PIP4K2A: variants seen among roughly 807,000 people sequenced by gnomAD.
PIP4K2A encodes the protein phosphatidylinositol-5-phosphate 4-kinase type 2 alpha, also known as phosphatidylinositol 5-phosphate 4-kinase type-2 alpha.
Under a neutral mutation model 42.9 loss-of-function variants are expected in PIP4K2A, and 14 were observed. The ratio of observed to expected loss-of-function variants is 0.33; its 90% CI spans 0.22 to 0.51. The LOEUF (loss-of-function observed/expected upper bound fraction) is 0.51. Among genes scored for constraint, PIP4K2A ranks in the 20% least tolerant of loss-of-function variants. The probability of loss-of-function intolerance (pLI) is 0.97; values close to 1 mark genes in which losing one functional copy is unlikely to be tolerated. For missense variants in PIP4K2A, 434 were observed against 519.8 expected (o/e 0.83, Z 1.61); for synonymous variants, 192 against 192.2 (o/e 1.00, Z 0.01).
intron 1 of PIP4K2A, among the ~76,000 whole-genome samples, chr10:22,619,726 C>T (rs1364515925): frequency 2.0e-5 from 3 of 152,192 alleles, no homozygotes; most frequent in African/African-American, 4.8e-5. Context: ...CATGAGCCAA[C>T]ACGCCCAGCT....
chr10:22,686,447 G>A (rs1405049105), intron 1 of PIP4K2A, among the ~76,000 whole-genome samples: 1 of 152,130 alleles, frequency 6.6e-6, no homozygotes, highest in Non-Finnish European at 1.5e-5. Flanking sequence ...AATAATTGAA[G>A]AAAGCAAGCT....
chr10:22,579,563 T>C (rs1837209852), intron 4 of PIP4K2A, among the ~76,000 whole-genome samples: 1 of 152,096 alleles, frequency 6.6e-6, no homozygotes, highest in Admixed American at 6.5e-5. Flanking sequence ...TAACACTGCT[T>C]AGACATGATG....
intron 1 of PIP4K2A, among the ~76,000 whole-genome samples, chr10:22,687,892 T>C (rs962924671): frequency 6.6e-6 from 1 of 152,236 alleles, no homozygotes; most frequent in Admixed American, 6.5e-5. Context: ...AACATGCAGA[T>C]ACAAAGGGCC....
At chr10:22,543,252 G>A (rs538037812) in intron 7 of PIP4K2A, among the ~76,000 whole-genome samples, 2 of 152,272 alleles carry the variant, frequency 1.3e-5, no homozygotes, top group South Asian at 4.1e-4. Flanking sequence ...CTCTCCAGCT[G>A]GTTCCTGGTG....
At chr10:22,556,498 T>C (rs1206902178) in intron 6 of PIP4K2A, among the ~76,000 whole-genome samples, 1 of 152,200 alleles carries the variant, frequency 6.6e-6, no homozygotes, top group African/African-American at 2.4e-5. Flanking sequence ...ATGATCTTTA[T>C]TCAATATATG....
chr10:22,567,717 G>T (rs989824523), intron 6 of PIP4K2A, 134 bp downstream of exon 6: 2 of 808,090 alleles, frequency 2.5e-6, no homozygotes, highest in Admixed American at 3.4e-5. Context: ...AGTGTTTCTC[G>T]CTGGTGGCAG....
chr10:22,686,766 A>G (rs1361202883), intron 1 of PIP4K2A, among the ~76,000 whole-genome samples: 1 of 152,212 alleles, frequency 6.6e-6, no homozygotes, highest in African/African-American at 2.4e-5. Flanking sequence ...CACCGTGCCC[A>G]GCCTCTATTT....
chr10:22,556,920 CTG>C (rs1451197826), intron 6 of PIP4K2A, among the ~76,000 whole-genome samples: 9 of 152,294 alleles, frequency 5.9e-5, no homozygotes, highest in South Asian at 4.1e-4. Flanking sequence ...AAGAAACACA[CTG>C]TGTGACAATA....
intron 6 of PIP4K2A, among the ~76,000 whole-genome samples, chr10:22,565,257 C>T (rs981936242): frequency 1.3e-5 from 2 of 152,224 alleles, no homozygotes; most frequent in African/African-American, 4.8e-5. Flanking sequence ...CTCATGCCTA[C>T]TGGATATCTC....
intron 7 of PIP4K2A, among the ~76,000 whole-genome samples, chr10:22,548,880 C>T (rs1301422359): frequency 1.1e-5 from 1 of 88,526 alleles, no homozygotes; most frequent in Non-Finnish European, 2.1e-5. Context: ...ACCCTAGTCT[C>T]TACAAAAAAA....
chr10:22,574,638 T>C (rs567332506), intron 4 of PIP4K2A, among the ~76,000 whole-genome samples: 1 of 152,204 alleles, frequency 6.6e-6, no homozygotes, highest in African/African-American at 2.4e-5. Flanking sequence ...TTTTGCCATC[T>C]AGAGTTTTGG....
chr10:22,573,152 C>A (rs1457434221), intron 5 of PIP4K2A, among the ~76,000 whole-genome samples, 159 bp downstream of exon 5: 1 of 152,194 alleles, frequency 6.6e-6, no homozygotes, highest in Non-Finnish European at 1.5e-5. Flanking sequence ...GTGAGGCCAG[C>A]AAGCACTTAT....
At chr10:22,712,353 C>T (rs766224056) in intron 1 of PIP4K2A, among the ~76,000 whole-genome samples, 1 of 152,114 alleles carries the variant, frequency 6.6e-6, no homozygotes, top group African/African-American at 2.4e-5. Flanking sequence ...AGAAAGCACA[C>T]TCTTTTTCGG....
intron 1 of PIP4K2A, among the ~76,000 whole-genome samples, chr10:22,650,479 A>G (rs1222669134): frequency 6.6e-6 from 1 of 152,030 alleles, no homozygotes; most frequent in Non-Finnish European, 1.5e-5. Context: ...TTTCATAACT[A>G]TAAAATGGAA....
At chr10:22,697,861 T>G (rs1840002209) in intron 1 of PIP4K2A, among the ~76,000 whole-genome samples, 1 of 152,098 alleles carries the variant, frequency 6.6e-6, no homozygotes, top group Non-Finnish European at 1.5e-5. Flanking sequence ...ATAGGTCGAG[T>G]CTAACGTTAA....
chr10:22,598,525 C>G (rs1375698369), intron 3 of PIP4K2A, among the ~76,000 whole-genome samples: 1 of 152,212 alleles, frequency 6.6e-6, no homozygotes, highest in Admixed American at 6.5e-5. Context: ...GGTCTTCCTT[C>G]TATTGCTGGC....
intron 6 of PIP4K2A, among the ~76,000 whole-genome samples, chr10:22,552,880 G>A (rs1206398046): frequency 6.6e-6 from 1 of 152,072 alleles, no homozygotes; most frequent in Non-Finnish European, 1.5e-5. Flanking sequence ...GGTAGAGGGT[G>A]TTTTTTTCTG....
At chr10:22,602,267 C>A (rs1223217409) in intron 3 of PIP4K2A, among the ~76,000 whole-genome samples, 1 of 151,558 alleles carries the variant, frequency 6.6e-6, no homozygotes, top group South Asian at 2.1e-4. Flanking sequence ...GTGGCACATA[C>A]CTGTAGTCCC....
intron 1 of PIP4K2A, among the ~76,000 whole-genome samples, chr10:22,672,371 A>C (rs1839472586): frequency 6.6e-6 from 1 of 152,214 alleles, no homozygotes; most frequent in South Asian, 2.1e-4. Context: ...ACACCTTCAT[A>C]ACCACTTCCA....
Sources: gnomAD v4.1 joint callset for allele counts (sites outside exome capture counted in the v4.1 genomes callset) on GRCh38, gnomAD v4.1.1 for gene constraint, MANE v1.5 for transcripts, NCBI Gene and HGNC (gene_info 2026-07-23, HGNC 2026-07-21) for gene names.